ZFHX3: variants seen among roughly 807,000 people sequenced by gnomAD.
ZFHX3 encodes the protein zinc finger homeobox protein 3.
ZFHX3 carries 42 observed loss-of-function variants against 279.1 expected under a neutral mutation model. That is an observed-to-expected ratio of 0.15 (90% confidence interval 0.12 to 0.19). The LOEUF is 0.19. Among genes scored for constraint, ZFHX3 ranks in the 10% least tolerant of loss-of-function variants. The pLI is 1.00. For synonymous variants in ZFHX3, 2,293 were observed against 1,957.8 expected (o/e 1.17, Z -4.52); for missense variants, 4,981 against 4,754.0 (o/e 1.05, Z -1.40).
At chr16:72,982,255 G>A (rs895346174) in intron 1 of ZFHX3, among the ~76,000 whole-genome samples, 1 of 152,036 alleles carries the variant, frequency 6.6e-6, no homozygotes. Context: ...TCATATTTTC[G>A]ATTTTACAGG....
chr16:72,947,861 G>A (rs937966618), intron 3 of ZFHX3, among the ~76,000 whole-genome samples: 1 of 152,092 alleles, frequency 6.6e-6, no homozygotes, highest in Non-Finnish European at 1.5e-5. Flanking sequence ...TGCATGTGCC[G>A]GGCTAATGGA....
rs2013655861 is a variant in ZFHX3, at chr16:73,256,116, C to T, written c.-1104+931G>A. The stretch of plus-strand genomic sequence containing the variant: ...TGACACAGACTGACAAGATCACGCT[C>T]GAACATCGTCTAGGAGGAGATGCCA... On this transcript the variant is annotated intron_variant, in intron 5 of 17. Coordinates refer to the ZFHX3 transcript ENST00000641206. Among the ~76,000 whole-genome samples, 4 of 152,162 alleles carry T rather than the reference C, an allele frequency of 2.6e-5. No individual in the cohort carries two copies. The South Asian group carries it at 6.2e-4, about 24-fold the overall frequency.
At chr16:73,884,894 G>A (rs1187271828) in intron 1 of ZFHX3, among the ~76,000 whole-genome samples, 1 of 152,174 alleles carries the variant, frequency 6.6e-6, no homozygotes, top group East Asian at 1.9e-4. Context: ...AGCTGCAAAT[G>A]CCTTATCTTT....
At chr16:73,130,022 CAG>C (rs1245522887) in intron 7 of ZFHX3, among the ~76,000 whole-genome samples, 1 of 152,152 alleles carries the variant, frequency 6.6e-6, no homozygotes, top group Non-Finnish European at 1.5e-5. Flanking sequence ...TTCCAGAATG[CAG>C]AGGCGAAAGC....
chr16:72,989,010 T>C (rs116335144), intron 1 of ZFHX3, among the ~76,000 whole-genome samples: 1,608 of 152,020 alleles, frequency 0.011, 15 homozygotes, highest in African/African-American at 0.029. Context: ...ACCCCATCTC[T>C]ACAAAAAATA....
intron 4 of ZFHX3, among the ~76,000 whole-genome samples, chr16:72,876,475 C>T (rs1022144265): frequency 9.2e-5 from 14 of 152,232 alleles, no homozygotes; most frequent in African/African-American, 3.4e-4. Flanking sequence ...CCCAGCCATC[C>T]AACCACTTCC....
intron 2 of ZFHX3, among the ~76,000 whole-genome samples, chr16:73,545,944 C>G (rs1449228444): frequency 6.6e-6 from 1 of 152,152 alleles, no homozygotes; most frequent in Non-Finnish European, 1.5e-5. Flanking sequence ...ACAGCTCAGC[C>G]TAAACAATGA....
intron 2 of ZFHX3, among the ~76,000 whole-genome samples, chr16:73,524,337 A>G (rs2019656635): frequency 1.3e-5 from 2 of 152,230 alleles, no homozygotes. Context: ...TAGCAAGTCC[A>G]ACCCCTTCAT....
intron 5 of ZFHX3, among the ~76,000 whole-genome samples, chr16:73,183,190 G>C (rs1268089864): frequency 6.6e-6 from 1 of 152,138 alleles, no homozygotes; most frequent in African/African-American, 2.4e-5. Context: ...GGGCAACAGA[G>C]TAAGACTCCG....
At chr16:72,980,327 G>T (rs961863430) in intron 1 of ZFHX3, among the ~76,000 whole-genome samples, 1 of 152,082 alleles carries the variant, frequency 6.6e-6, no homozygotes, top group Non-Finnish European at 1.5e-5. Context: ...AGATTAAAGG[G>T]GACCTAAGAA....
intron 2 of ZFHX3, among the ~76,000 whole-genome samples, chr16:73,572,479 T>G (rs1187449816): frequency 6.6e-6 from 1 of 152,192 alleles, no homozygotes; most frequent in Admixed American, 6.5e-5. Flanking sequence ...ACCTGAGCAC[T>G]TTTTAGCAGG....
chr16:73,490,694 C>T (rs2143645731), intron 2 of ZFHX3, among the ~76,000 whole-genome samples: 1 of 152,124 alleles, frequency 6.6e-6, no homozygotes, highest in Admixed American at 6.6e-5. Context: ...AAAAATTAGC[C>T]AAGCGTGGTG....
chr16:72,879,450 G>A (rs1166428129), intron 4 of ZFHX3, among the ~76,000 whole-genome samples: 1 of 152,174 alleles, frequency 6.6e-6, no homozygotes, highest in African/African-American at 2.4e-5. Flanking sequence ...TTTTGAGACG[G>A]AGTCTCGCTC....
rs144110473 is a variant in ZFHX3 at position 72,797,489 on chromosome 16, C to A, written c.5193G>T (p.Gln1731His). ...GTTGTTGTTGTTGTTGTTGTTGTTGCTGTTGCTGCTGCTGTTGTTGCTGCT... is the reference window on the plus strand; with the variant it reads ...GTTGTTGTTGTTGTTGTTGTTGTTGATGTTGCTGCTGCTGTTGTTGCTGCT... Reference protein sequence around the residue: ...SRQQQQQQQQQQQQQQQQQQQ... With the variant: ...SRQQQQQQQQHQQQQQQQQQQ... Residue 1731 changes from glutamine to histidine, a missense_variant, in exon 9 of 10, where the codon CAG (glutamine) becomes CAT (histidine). Around this residue, in one of 7 missense-constraint regions of ZFHX3, gnomAD observed 1,751 missense variants for 1,770.0 expected, o/e 0.99. Transcript: ENST00000268489. 1.4e-5 allele frequency: 22 copies of A among 1,597,624 alleles called. No homozygotes were observed. The African/African-American group carries it at 3.1e-4, about 23-fold the overall frequency.
chr16:72,933,849 C>T (rs149362243), intron 3 of ZFHX3, among the ~76,000 whole-genome samples: 12 of 129,766 alleles, frequency 9.2e-5, no homozygotes, highest in South Asian at 9.2e-4. Flanking sequence ...GACAGAGTCT[C>T]GCTCTGTCGC....
intron 1 of ZFHX3, among the ~76,000 whole-genome samples, chr16:73,691,160 T>C (rs1054643069): frequency 2.0e-5 from 3 of 152,236 alleles, no homozygotes; most frequent in Non-Finnish European, 4.4e-5. Context: ...ATTCTTGTTA[T>C]ATAAGTTCGC....
intron 2 of ZFHX3, among the ~76,000 whole-genome samples, chr16:73,537,379 C>T (rs568861015): frequency 3.8e-5 from 5 of 132,974 alleles, no homozygotes; most frequent in East Asian, 2.3e-4. Flanking sequence ...TGCAGTGGCG[C>T]GATCTTGACT....
chr16:73,611,128 G>A (rs2052240988), intron 2 of ZFHX3, among the ~76,000 whole-genome samples: 1 of 152,350 alleles, frequency 6.6e-6, no homozygotes, highest in African/African-American at 2.4e-5. Flanking sequence ...GCAGGAGGAA[G>A]AAAGAGGGTT....
At chr16:73,674,608 A>T (rs1320201662) in intron 2 of ZFHX3, among the ~76,000 whole-genome samples, 1 of 152,204 alleles carries the variant, frequency 6.6e-6, no homozygotes, top group Non-Finnish European at 1.5e-5. Flanking sequence ...TTGCAATAGG[A>T]CATGACAGTT....
Sources: allele counts gnomAD v4.1 joint callset (sites outside exome capture counted in the v4.1 genomes callset), GRCh38; gene constraint gnomAD v4.1.1; regional missense constraint gnomAD v4.1.1; transcripts MANE v1.5; gene names NCBI Gene and HGNC (gene_info 2026-07-23, HGNC 2026-07-21).